Variants in CDK6 observed in about 807,000 individuals in gnomAD.
The protein encoded by CDK6 is cyclin dependent kinase 6.
CDK6 carries 6 observed loss-of-function variants against 37.1 expected under a neutral mutation model. The ratio of observed to expected loss-of-function variants is 0.16; its 90% CI spans 0.09 to 0.32. The LOEUF is 0.32. CDK6 is among the 10% of genes least tolerant of loss of function. The pLI, the probability that CDK6 is intolerant of heterozygous loss-of-function variation, is 1.00. For synonymous variants in CDK6, 160 were observed against 161.3 expected (o/e 0.99, Z 0.06); for missense variants, 224 against 418.9 (o/e 0.53, Z 4.06).
In CDK6 at chr7:92,834,060, T is replaced by G; in HGVS notation, c.-367-370A>C. ...TGTCACGGCTTAATATTTATCCCTATATCATTGTGTTGCGCCGCTACCCTC... is the reference window on the plus strand; with the variant it reads ...TGTCACGGCTTAATATTTATCCCTAGATCATTGTGTTGCGCCGCTACCCTC... On this transcript the variant is annotated intron_variant, in intron 1 of 7. Coordinates refer to ENST00000424848, the MANE Select transcript of CDK6 (RefSeq NM_001145306.2). The surrounding 1 kb of genome is among the most constrained non-coding windows in gnomAD (Gnocchi z 4.6). The G allele has an allele frequency of 2.6e-6, 1 of 391,176 alleles. No homozygotes were observed. Among genetic ancestry groups the G allele is most frequent in the Non-Finnish European group, 4.5e-6 (1 of 222,040 alleles). 24.2% of individuals were successfully genotyped at this position (391,176 alleles called of 1,614,324 possible).
At chr7:92,820,549 C>T (rs550084064) in intron 2 of CDK6, among the ~76,000 whole-genome samples, 21 of 152,066 alleles carry the variant, frequency 1.4e-4, no homozygotes, top group Non-Finnish European at 2.5e-4. Flanking sequence ...AGAAAGGTTA[C>T]GGGGATAAAA....
intron 3 of CDK6, among the ~76,000 whole-genome samples, chr7:92,740,420 A>G (rs1380929809): frequency 6.6e-6 from 1 of 152,128 alleles, no homozygotes; most frequent in African/African-American, 2.4e-5. Context: ...AATTCTCCTT[A>G]CAGGCACAGG....
chr7:92,790,038 A>G (rs1800242969), intron 2 of CDK6, among the ~76,000 whole-genome samples: 2 of 152,192 alleles, frequency 1.3e-5, no homozygotes, highest in Admixed American at 1.3e-4. Flanking sequence ...TTCAAAGAGT[A>G]CCTAGAGGTT....
At chr7:92,748,873 A>C (rs1294382162) in intron 3 of CDK6, among the ~76,000 whole-genome samples, 1 of 152,162 alleles carries the variant, frequency 6.6e-6, no homozygotes, top group Admixed American at 6.6e-5. Flanking sequence ...TTGCAACTTA[A>C]GATCAAGTGA....
intron 4 of CDK6, among the ~76,000 whole-genome samples, chr7:92,675,154 T>G (rs1467499384): frequency 3.9e-5 from 6 of 152,206 alleles, no homozygotes; most frequent in African/African-American, 1.4e-4. Flanking sequence ...TTCTGATTGA[T>G]TACCCATCCT....
intron 5 of CDK6, among the ~76,000 whole-genome samples, chr7:92,660,109 G>T (rs1368229081): frequency 6.6e-6 from 1 of 152,212 alleles, no homozygotes. Flanking sequence ...GGCAAAGCTG[G>T]TAGGGGTAGG....
At chr7:92,685,415 C>T (rs189576503) in intron 4 of CDK6, among the ~76,000 whole-genome samples, 1 of 152,100 alleles carries the variant, frequency 6.6e-6, no homozygotes, top group Non-Finnish European at 1.5e-5. Flanking sequence ...GGAAAAGTAA[C>T]CCTCTGAGTT....
At chr7:92,787,357 A>G (rs1288181804) in intron 2 of CDK6, among the ~76,000 whole-genome samples, 2 of 152,106 alleles carry the variant, frequency 1.3e-5, no homozygotes, top group African/African-American at 2.4e-5. Flanking sequence ...CTATTTTTCA[A>G]TTCAGATTTT....
Position 92,833,191 on chromosome 7 carries a change from C to T in CDK6, c.133G>A (p.Val45Met). The T allele has an allele frequency of 1.9e-6, 3 of 1,609,510 alleles. No homozygotes were observed. Among genetic ancestry groups the T allele is most frequent in the Non-Finnish European group, 1.7e-6 (2 of 1,178,594 alleles). Reference sequence around the variant, plus strand: ...CCCTCCTCGCCGGTCTGCACCCGCACGCGCTTCAACGCCACGAAACGGCCT... The same window carrying T: ...CCCTCCTCGCCGGTCTGCACCCGCATGCGCTTCAACGCCACGAAACGGCCT... Reference protein sequence around the residue: ...NGGRFVALKRVRVQTGEEGMP... With the variant: ...NGGRFVALKRMRVQTGEEGMP... Residue 45 changes from valine (V) to methionine (M), a missense_variant, in exon 2 of 8, where the codon GTG becomes ATG. Physicochemically the swap from Val to Met is conservative, Grantham distance 21. Around this residue, in one of 5 missense-constraint regions of CDK6, gnomAD observed 21 missense variants for 18.4 expected, o/e 1.14. Coordinates refer to ENST00000424848, the MANE Select transcript of CDK6 (RefSeq NM_001145306.2). The surrounding 1 kb of genome is among the most constrained non-coding windows in gnomAD (Gnocchi z 6.1).
chr7:92,671,683 A>G, intron 4 of CDK6, 148 bp from the exon 5 acceptor site: 1 of 416,078 alleles, frequency 2.4e-6, no homozygotes, highest in Non-Finnish European at 4.3e-6. Flanking sequence ...CAATAGGTAA[A>G]TAGGACTCAT....
At chr7:92,739,078 C>T (rs1402823224) in intron 3 of CDK6, among the ~76,000 whole-genome samples, 2 of 152,190 alleles carry the variant, frequency 1.3e-5, no homozygotes, top group African/African-American at 2.4e-5. Context: ...TCTGGGCTTT[C>T]GGTACTGCCT....
intron 5 of CDK6, among the ~76,000 whole-genome samples, chr7:92,651,069 T>C (rs966542061): frequency 3.9e-5 from 6 of 152,124 alleles, no homozygotes; most frequent in African/African-American, 1.2e-4. Flanking sequence ...TTTGTATTTT[T>C]AGTAGAGATG....
chr7:92,683,414 T>A (rs537370552), intron 4 of CDK6, among the ~76,000 whole-genome samples: 1 of 152,296 alleles, frequency 6.6e-6, no homozygotes, highest in South Asian at 2.1e-4. Flanking sequence ...TTAGTGCAAG[T>A]GATGAGGGAA....
At chr7:92,665,940 T>A (rs749360833) in intron 5 of CDK6, among the ~76,000 whole-genome samples, 13 of 152,228 alleles carry the variant, frequency 8.5e-5, no homozygotes, top group Non-Finnish European at 2.9e-5. Flanking sequence ...TAGTTCATTA[T>A]CTGTAAGCTC....
chr7:92,772,136 A>G (rs1387384228), intron 3 of CDK6, among the ~76,000 whole-genome samples: 1 of 152,132 alleles, frequency 6.6e-6, no homozygotes, highest in African/African-American at 2.4e-5. Context: ...CATCACAAAC[A>G]CTCAAATTAT....
At chr7:92,617,025 A>G (rs181354401) in intron 7 of CDK6, among the ~76,000 whole-genome samples, 2 of 152,368 alleles carry the variant, frequency 1.3e-5, no homozygotes, top group Admixed American at 1.3e-4. Flanking sequence ...TTTAATTGCC[A>G]AATAGTTTAC....
rs911452207 is a variant in CDK6 at position 92,710,702 on chromosome 7, T to G, written c.537+14924A>C. On this transcript the variant is annotated intron_variant, in intron 4 of 7. Coordinates refer to ENST00000424848, the MANE Select transcript of CDK6 (RefSeq NM_001145306.2). The stretch of plus-strand genomic sequence containing the variant: ...CAAAGGAGACCAAAGCAGAATTGCC[T>G]AGGAAAGGAGAAGCTGATGAGTGAT... The G allele has an allele frequency of 5.1e-6, 5 of 985,252 alleles. No individual in the cohort carries two copies. The African/African-American group carries it at 8.7e-5, about 17-fold the overall frequency. 61.0% of individuals were successfully genotyped at this position (985,252 alleles called of 1,614,324 possible).
chr7:92,803,950 G>A (rs949598800), intron 2 of CDK6, among the ~76,000 whole-genome samples: 5 of 152,096 alleles, frequency 3.3e-5, no homozygotes, highest in Admixed American at 2.6e-4. Flanking sequence ...GCCATCTACC[G>A]TATTCATAGA....
intron 4 of CDK6, among the ~76,000 whole-genome samples, chr7:92,674,830 A>C (rs75214269): frequency 0.042 from 6,378 of 152,198 alleles, 139 homozygotes; most frequent in Non-Finnish European, 0.051. Flanking sequence ...GGAAAATATT[A>C]TTTCTTTCTT....
Sources: allele counts gnomAD v4.1 joint callset (sites outside exome capture counted in the v4.1 genomes callset), GRCh38; gene constraint gnomAD v4.1.1; regional missense constraint gnomAD v4.1.1; non-coding constraint Gnocchi (gnomAD v3.1); transcripts MANE v1.5; gene names NCBI Gene and HGNC (gene_info 2026-07-23, HGNC 2026-07-21).